Variants in DCLK1 observed in about 807,000 individuals in gnomAD.
DCLK1 encodes the protein serine/threonine-protein kinase DCLK1.
In DCLK1, 16 loss-of-function variants were observed where a neutral mutation model predicts 86.2. The ratio of observed to expected loss-of-function variants is 0.19; its 90% CI spans 0.13 to 0.28. The LOEUF (loss-of-function observed/expected upper bound fraction) is 0.28. Among genes scored for constraint, DCLK1 ranks in the 10% least tolerant of loss-of-function variants. The pLI, the probability that DCLK1 is intolerant of heterozygous loss-of-function variation, is 1.00. For missense variants in DCLK1, 590 were observed against 940.2 expected (o/e 0.63, Z 4.87); for synonymous variants, 369 against 370.5 (o/e 1.00, Z 0.05).
chr13:36,061,862 AT>A (rs1178281570), intron 3 of DCLK1, among the ~76,000 whole-genome samples: 2 of 152,206 alleles, frequency 1.3e-5, no homozygotes, highest in Non-Finnish European at 2.9e-5. Flanking sequence ...AAATCACAGC[AT>A]GGTACATTTC....
chr13:36,072,086 T>C (rs1883994765), intron 3 of DCLK1, among the ~76,000 whole-genome samples: 1 of 152,194 alleles, frequency 6.6e-6, no homozygotes, highest in South Asian at 2.1e-4. Flanking sequence ...CTGAAAGACT[T>C]GTCTATGTTT....
At chr13:35,862,178 C>T (rs1396217934) in intron 5 of DCLK1, among the ~76,000 whole-genome samples, 1 of 152,140 alleles carries the variant, frequency 6.6e-6, no homozygotes, top group African/African-American at 2.4e-5. Context: ...ACCAGGGTCT[C>T]CCAAATATAT....
intron 4 of DCLK1, among the ~76,000 whole-genome samples, chr13:35,913,259 A>T (rs1390071322): frequency 6.6e-6 from 1 of 151,972 alleles, no homozygotes; most frequent in African/African-American, 2.4e-5. Flanking sequence ...AGCACTATTA[A>T]TGCAGGGTCC....
At chr13:35,882,966 G>C (rs892710998) in intron 4 of DCLK1, among the ~76,000 whole-genome samples, 3 of 152,192 alleles carry the variant, frequency 2.0e-5, no homozygotes, top group Non-Finnish European at 2.9e-5. Flanking sequence ...GTGGCTGAGT[G>C]AGTGGTTTCT....
rs1288408564 is a variant in DCLK1 at position 36,081,355 on chromosome 13, CTAAG to C, written c.723+30510_723+30513del. 3.3e-5 allele frequency among the ~76,000 whole-genome samples: 5 copies of C among 151,802 alleles called. 1 individual carries two copies. The highest frequency in any genetic ancestry group is 1.2e-4 in the African/African-American group (5 of 41,394). On this transcript the variant is annotated intron_variant, in intron 3 of 16. Transcript: ENST00000360631. ...CAGAATCTCATCACTTAGTGCATCA[CTAAG>C]TAACTTTTTGGCCAAGTTATAAAAA...
At chr13:35,892,851 A>G (rs1325399768) in intron 4 of DCLK1, among the ~76,000 whole-genome samples, 1 of 152,226 alleles carries the variant, frequency 6.6e-6, no homozygotes, top group Non-Finnish European at 1.5e-5. Context: ...ATATTTCAGC[A>G]TAAGGTAAAT....
intron 3 of DCLK1, among the ~76,000 whole-genome samples, chr13:36,074,468 C>CAAAAAA (rs768865436): frequency 3.8e-5 from 3 of 79,354 alleles, no homozygotes; most frequent in Admixed American, 1.5e-4. Context: ...GACTCCGTCT[C>CAAAAAA]AAAAAAAAAA....
chr13:35,816,998 C>T (rs1358219744), intron 11 of DCLK1, among the ~76,000 whole-genome samples: 1 of 152,144 alleles, frequency 6.6e-6, no homozygotes, highest in Admixed American at 6.6e-5. Context: ...AAGTGACTCT[C>T]CCACCAACAC....
intron 1 of DCLK1, among the ~76,000 whole-genome samples, chr13:36,126,399 C>T (rs1017288320): frequency 6.6e-6 from 1 of 151,984 alleles, no homozygotes; most frequent in Non-Finnish European, 1.5e-5. Context: ...TGCACCACGC[C>T]TGGTTAATTT....
At chr13:35,931,441 G>A (rs1876425766) in intron 4 of DCLK1, among the ~76,000 whole-genome samples, 1 of 152,138 alleles carries the variant, frequency 6.6e-6, no homozygotes, top group Admixed American at 6.5e-5. Context: ...AGTTCAGCTG[G>A]CCAAAAGCTA....
chr13:36,126,219 T>TTTTG (rs1555239397), intron 1 of DCLK1, 63 bp from the exon 2 acceptor site: 47 of 1,237,682 alleles, frequency 3.8e-5, no homozygotes, highest in Middle Eastern at 2.8e-4. Flanking sequence ...ATATATATAT[T>TTTTG]TTTTTGTTTT....
chr13:35,917,671 T>C (rs1375610531), intron 4 of DCLK1, among the ~76,000 whole-genome samples: 5 of 152,228 alleles, frequency 3.3e-5, no homozygotes. Flanking sequence ...GCTTATAAAC[T>C]GGATACCTAC....
intron 6 of DCLK1, among the ~76,000 whole-genome samples, chr13:35,844,350 G>A (rs1382254064): frequency 1.3e-5 from 2 of 152,310 alleles, no homozygotes; most frequent in Non-Finnish European, 2.9e-5. Context: ...GTGAAACCAC[G>A]AGAGCCAAGA....
intron 3 of DCLK1, among the ~76,000 whole-genome samples, chr13:35,998,098 T>C (rs1295480089): frequency 6.6e-6 from 1 of 152,150 alleles, no homozygotes; most frequent in Non-Finnish European, 1.5e-5. Context: ...AGTATTTTAG[T>C]GTCCCTTCAA....
chr13:36,079,119 C>T (rs192801766), intron 3 of DCLK1, among the ~76,000 whole-genome samples: 219 of 152,102 alleles, frequency 1.4e-3, no homozygotes, highest in African/African-American at 5.0e-3. Context: ...CATGTCAGGG[C>T]GGTTGTGGAA....
At chr13:35,978,606 T>C (rs1879476215) in intron 3 of DCLK1, among the ~76,000 whole-genome samples, 1 of 152,110 alleles carries the variant, frequency 6.6e-6, no homozygotes. Context: ...AGAGGAAAAC[T>C]CAGAAATCAT....
intron 4 of DCLK1, among the ~76,000 whole-genome samples, chr13:35,922,389 G>A (rs949148191): frequency 7.9e-5 from 12 of 152,020 alleles, no homozygotes; most frequent in African/African-American, 2.7e-4. Flanking sequence ...CCCTGCACAC[G>A]GCATCAAGTT....
intron 5 of DCLK1, among the ~76,000 whole-genome samples, chr13:35,862,427 AATTTCATTCCAGG>A (rs1566573986): frequency 6.6e-6 from 1 of 152,116 alleles, no homozygotes; most frequent in Non-Finnish European, 1.5e-5. Flanking sequence ...CTGTCTTGAC[AATTTCATTCCAGG>A]ATGACTACAA....
intron 3 of DCLK1, among the ~76,000 whole-genome samples, chr13:36,063,242 G>A (rs1883624272): frequency 6.6e-6 from 1 of 152,140 alleles, no homozygotes; most frequent in African/African-American, 2.4e-5. Context: ...TTTTAGATAT[G>A]TTGGAAAAGT....
Sources: allele counts gnomAD v4.1 joint callset (sites outside exome capture counted in the v4.1 genomes callset), GRCh38; gene constraint gnomAD v4.1.1; transcripts MANE v1.5; gene names NCBI Gene and HGNC (gene_info 2026-07-23, HGNC 2026-07-21).